The following ADAM18 variants were observed in gnomAD, a reference collection of about 807,000 sequenced individuals.
ADAM18 encodes disintegrin and metalloproteinase domain-containing protein 18.
In ADAM18, 117 loss-of-function variants were observed where a neutral mutation model predicts 94.4. That is an observed-to-expected ratio of 1.24 (90% confidence interval 1.07 to 1.45). The LOEUF (loss-of-function observed/expected upper bound fraction) is 1.45. Ranked by LOEUF, ADAM18 falls within the 40% of genes most tolerant of loss-of-function variation. ADAM18 has a pLI of 0.00. For missense variants in ADAM18, 936 were observed against 880.0 expected, an observed-to-expected ratio of 1.06 and a Z score of -0.81; for synonymous variants, 327 against 291.6, an observed-to-expected ratio of 1.12 and a Z score of -1.24.
chr8:39,597,748 G>C (rs567027941), intron 2 of ADAM18, among the ~76,000 whole-genome samples: 1 of 152,214 alleles, frequency 6.6e-6, no homozygotes, highest in Admixed American at 6.5e-5. Context: ...TTAGTATTGT[G>C]TTGTGTTGCC....
chr8:39,629,083 A>C (rs1819856701), intron 6 of ADAM18, among the ~76,000 whole-genome samples: 1 of 151,820 alleles, frequency 6.6e-6, no homozygotes, highest in Admixed American at 6.6e-5. Flanking sequence ...CAAAGTGTAG[A>C]GTTGTCTGCA....
At chr8:39,654,353 A>T (rs1394772167) in intron 12 of ADAM18, among the ~76,000 whole-genome samples, 2 of 151,204 alleles carry the variant, frequency 1.3e-5, no homozygotes, top group Non-Finnish European at 2.9e-5. Context: ...TACAGGCGTG[A>T]GCCGCCGCAC....
chr8:39,597,846 T>C (rs1385331751), intron 2 of ADAM18, among the ~76,000 whole-genome samples: 1 of 152,260 alleles, frequency 6.6e-6, no homozygotes, highest in Non-Finnish European at 1.5e-5. Flanking sequence ...TGATTGGAAC[T>C]ATCTTGAATC....
In ADAM18 at chr8:39,706,791, T is replaced by A. The variant is rs141828875; in HGVS notation, c.1904T>A (p.Ile635Lys). 2,278 of 1,562,924 alleles carry A rather than the reference T, an allele frequency of 1.5e-3. 20 individuals are homozygous for A. The highest frequency in any genetic ancestry group is 0.011 in the South Asian group (988 of 89,288). Residue 635 changes from isoleucine (I) to lysine (K), a missense_variant and splice_region_variant, in exon 18 of 20, where the codon ATA (isoleucine) becomes AAA (lysine). Transcript: ENST00000265707. ...NATTKCKGKG[I>K]CNNFGNCQCF... ...TGTTTCTGTATTTTTCTGTTTCAGA[T>A]ATGTAATAATTTTGGTAATTGTCAA...
chr8:39,707,274 C>A (rs993882561), intron 18 of ADAM18, among the ~76,000 whole-genome samples: 1 of 152,194 alleles, frequency 6.6e-6, no homozygotes, highest in Non-Finnish European at 1.5e-5. Flanking sequence ...GAGACACAGC[C>A]TCTCCAGCAA....
chr8:39,640,513 G>C (rs1448556590), intron 10 of ADAM18, among the ~76,000 whole-genome samples: 2 of 152,030 alleles, frequency 1.3e-5, no homozygotes, highest in African/African-American at 4.8e-5. Context: ...CTTTATTACA[G>C]AATGATTTAT....
At chr8:39,605,345 G>A (rs984088189) in intron 2 of ADAM18, among the ~76,000 whole-genome samples, 2 of 152,162 alleles carry the variant, frequency 1.3e-5, no homozygotes, top group Non-Finnish European at 2.9e-5. Context: ...CATCACAATA[G>A]GATCATGAGC....
chr8:39,600,361 A>G (rs745738126), intron 2 of ADAM18, among the ~76,000 whole-genome samples: 3 of 152,144 alleles, frequency 2.0e-5, no homozygotes, highest in Non-Finnish European at 2.9e-5. Context: ...GATATTTCTG[A>G]TACTGATTTA....
At chr8:39,692,541 T>G in intron 16 of ADAM18, 59 bp from the exon 17 acceptor site, 2 of 1,079,956 alleles carry the variant, frequency 1.9e-6, no homozygotes, top group Non-Finnish European at 1.3e-6. Context: ...ATCATTAATG[T>G]TTTTTCTTGT....
intron 7 of ADAM18, among the ~76,000 whole-genome samples, chr8:39,637,019 TTATATATA>T (rs35248371): frequency 0.13 from 6,818 of 53,140 alleles, 240 homozygotes; most frequent in East Asian, 0.18. Context: ...TGTGTGTATT[TTATATATA>T]TATATATATA....
chr8:39,633,445 A>G (rs1325222756), intron 7 of ADAM18, among the ~76,000 whole-genome samples: 2 of 152,182 alleles, frequency 1.3e-5, no homozygotes, highest in Non-Finnish European at 2.9e-5. Flanking sequence ...GTGGTTATGA[A>G]CAGTTTTTAG....
rs1442535534 is a variant in ADAM18, at chr8:39,693,860, T to C, written c.1902+1180T>C. Among the ~76,000 whole-genome samples, 6 of 151,324 alleles carry C rather than the reference T, an allele frequency of 4.0e-5. No homozygotes were observed. In the South Asian group the frequency reaches 1.2e-3, roughly 31 times the overall value. On this transcript the variant is annotated intron_variant, in intron 17 of 19. Transcript: ENST00000265707. ...TAAGTAATAGAAATCTTACTGAGTC[T>C]AAGCAAATTTGCATAGACTTTCTAA...
intron 12 of ADAM18, 144 bp from the exon 13 acceptor site, chr8:39,663,649 ACT>A (rs2129580089): frequency 1.8e-6 from 1 of 541,084 alleles, no homozygotes; most frequent in Non-Finnish European, 3.2e-6. Flanking sequence ...GAAATGGTAA[ACT>A]AATACAGCTT....
At chr8:39,724,468 C>G (rs1035590356) in intron 19 of ADAM18, among the ~76,000 whole-genome samples, 2 of 151,256 alleles carry the variant, frequency 1.3e-5, no homozygotes, top group African/African-American at 4.8e-5. Context: ...TTGTTCAGAC[C>G]GGTTAAAGGT....
chr8:39,727,197 G>C (rs2129582006), intron 19 of ADAM18, among the ~76,000 whole-genome samples: 1 of 152,262 alleles, frequency 6.6e-6, no homozygotes, highest in South Asian at 2.1e-4. Flanking sequence ...TCCCTGAAAT[G>C]TATTCAAGTC....
At chr8:39,710,141 A>G (rs906134511) in intron 18 of ADAM18, among the ~76,000 whole-genome samples, 3 of 152,230 alleles carry the variant, frequency 2.0e-5, no homozygotes, top group Non-Finnish European at 2.9e-5. Flanking sequence ...AACTTCTGTA[A>G]GCAACAGTGA....
At chr8:39,626,112 G>C (rs535830113) in intron 6 of ADAM18, among the ~76,000 whole-genome samples, 4 of 152,198 alleles carry the variant, frequency 2.6e-5, no homozygotes, top group African/African-American at 9.6e-5. Flanking sequence ...GTCTAGTCAG[G>C]ATTTCTATTT....
intron 16 of ADAM18, among the ~76,000 whole-genome samples, chr8:39,683,096 C>T (rs1030763456): frequency 3.3e-5 from 5 of 152,078 alleles, no homozygotes; most frequent in Non-Finnish European, 7.4e-5. Flanking sequence ...ATATAACAGA[C>T]AGTATTTTCC....
In ADAM18 at chr8:39,637,153, A is replaced by G. The variant is rs1200756413; in HGVS notation, c.589-111A>G. ...CAAATCTGCACACATTCTCCTATGTACTTTAAAACAGCTCTAGATTACTTA... is the reference window on the plus strand; with the variant it reads ...CAAATCTGCACACATTCTCCTATGTGCTTTAAAACAGCTCTAGATTACTTA... On this transcript the variant is annotated intron_variant, in intron 7 of 19. Coordinates refer to ENST00000265707, the MANE Select transcript of ADAM18 (RefSeq NM_014237.3). 5 of 737,208 alleles carry G rather than the reference A, an allele frequency of 6.8e-6. No homozygotes were observed. In the African/African-American group the frequency reaches 9.0e-5, roughly 13 times the overall value. 45.7% of individuals were successfully genotyped at this position (737,208 alleles called of 1,614,324 possible).
Sources: allele counts gnomAD v4.1 joint callset (sites outside exome capture counted in the v4.1 genomes callset), GRCh38; gene constraint gnomAD v4.1.1; transcripts MANE v1.5; gene names NCBI Gene and HGNC (gene_info 2026-07-23, HGNC 2026-07-21).